The following RBFOX1 variants were observed in gnomAD, a reference collection of about 807,000 sequenced individuals.
The protein encoded by RBFOX1 is RNA binding protein fox-1 homolog 1.
Under a neutral mutation model 57.7 loss-of-function variants are expected in RBFOX1, and 8 were observed. The observed-to-expected ratio is 0.14, with a 90% confidence interval of 0.08 to 0.25. The LOEUF (loss-of-function observed/expected upper bound fraction) is 0.25. Among genes scored for constraint, RBFOX1 ranks in the 10% least tolerant of loss-of-function variants. RBFOX1 has a pLI of 1.00. For synonymous variants in RBFOX1, 326 were observed against 222.4 expected (o/e 1.47, Z -4.15); for missense variants, 611 against 548.5 (o/e 1.11, Z -1.14).
At chr16:7,191,707 T>C (rs2085434802) in intron 4 of RBFOX1, among the ~76,000 whole-genome samples, 1 of 152,232 alleles carries the variant, frequency 6.6e-6, no homozygotes, top group South Asian at 2.1e-4. Context: ...TCTTCAGTTG[T>C]TTTAAAGAAA....
intron 2 of RBFOX1, among the ~76,000 whole-genome samples, chr16:5,582,612 G>A (rs913076613): frequency 6.6e-5 from 9 of 136,572 alleles, no homozygotes; most frequent in East Asian, 4.3e-4. Flanking sequence ...TGCCAATGAC[G>A]TGATCTTGGT....
intron 4 of RBFOX1, among the ~76,000 whole-genome samples, chr16:7,436,477 A>G (rs1567159572): frequency 6.6e-6 from 1 of 152,224 alleles, no homozygotes; most frequent in Non-Finnish European, 1.5e-5. Context: ...AGGTGGAGAC[A>G]TGTGTCTTCA....
At chr16:6,486,422 C>G (rs1418049562) in intron 2 of RBFOX1, among the ~76,000 whole-genome samples, 4 of 152,010 alleles carry the variant, frequency 2.6e-5, no homozygotes, top group African/African-American at 7.2e-5. Flanking sequence ...GATATCTGAA[C>G]TAATAATAAA....
chr16:6,819,339 T>A (rs1214580059), intron 3 of RBFOX1, among the ~76,000 whole-genome samples: 2 of 152,140 alleles, frequency 1.3e-5, no homozygotes, highest in Non-Finnish European at 2.9e-5. Context: ...GATGAATAAA[T>A]AATATTGGTC....
At chr16:6,800,346 T>C (rs996179145) in intron 3 of RBFOX1, among the ~76,000 whole-genome samples, 1 of 152,142 alleles carries the variant, frequency 6.6e-6, no homozygotes, top group Non-Finnish European at 1.5e-5. Flanking sequence ...GGCTACCTAT[T>C]TTTGTTTTTC....
chr16:6,597,880 C>G (rs1268696701), intron 2 of RBFOX1, among the ~76,000 whole-genome samples: 1 of 152,068 alleles, frequency 6.6e-6, no homozygotes, highest in Non-Finnish European at 1.5e-5. Context: ...CATCTTGGCA[C>G]CATGAAGTGA....
chr16:7,523,213 C>T (rs1297824797), intron 5 of RBFOX1, among the ~76,000 whole-genome samples: 1 of 152,122 alleles, frequency 6.6e-6, no homozygotes, highest in East Asian at 1.9e-4. Context: ...ATGGATATGC[C>T]ACAGTTTATT....
At chr16:6,543,845 G>A (rs2096857772) in intron 2 of RBFOX1, among the ~76,000 whole-genome samples, 1 of 152,036 alleles carries the variant, frequency 6.6e-6, no homozygotes, top group Admixed American at 6.6e-5. Flanking sequence ...AGATACACCT[G>A]CATGAAAAAA....
intron 3 of RBFOX1, among the ~76,000 whole-genome samples, chr16:5,620,941 T>C (rs1288049061): frequency 1.3e-5 from 2 of 152,152 alleles, no homozygotes; most frequent in Admixed American, 1.3e-4. Flanking sequence ...CCCGGGTTCC[T>C]GCCATTCTCC....
At chr16:7,339,732 G>C (rs1196043556) in intron 4 of RBFOX1, among the ~76,000 whole-genome samples, 2 of 152,194 alleles carry the variant, frequency 1.3e-5, no homozygotes. Flanking sequence ...AAGCCACTGT[G>C]CCTGGCCAGA....
chr16:7,500,014 A>G (rs1223727149), intron 4 of RBFOX1, among the ~76,000 whole-genome samples: 6 of 152,186 alleles, frequency 3.9e-5, no homozygotes, highest in Non-Finnish European at 8.8e-5. Flanking sequence ...ACATCATGCA[A>G]AACCTCTTCT....
chr16:5,990,336 A>G (rs748101431), intron 4 of RBFOX1, among the ~76,000 whole-genome samples: 3 of 152,316 alleles, frequency 2.0e-5, no homozygotes, highest in Middle Eastern at 3.4e-3. Flanking sequence ...AATGGAAAGA[A>G]TCAGCTGGCC....
At chr16:6,586,000 C>T (rs2097608158) in intron 2 of RBFOX1, among the ~76,000 whole-genome samples, 1 of 152,082 alleles carries the variant, frequency 6.6e-6, no homozygotes, top group African/African-American at 2.4e-5. Flanking sequence ...ACATGTTGCC[C>T]AATAAGTGAA....
At chr16:5,866,653 G>A (rs996590236) in intron 3 of RBFOX1, among the ~76,000 whole-genome samples, 3 of 152,196 alleles carry the variant, frequency 2.0e-5, no homozygotes, top group Non-Finnish European at 4.4e-5. Context: ...GTGACTTTAT[G>A]TTGGGTTTAA....
At chr16:6,619,206 T>TC (rs1863454410) in intron 2 of RBFOX1, among the ~76,000 whole-genome samples, 1 of 151,992 alleles carries the variant, frequency 6.6e-6, no homozygotes, top group Admixed American at 6.5e-5. Context: ...CATGCCTCTG[T>TC]CCCCCCCTTA....
chr16:7,190,996 G>T (rs1260405413), intron 4 of RBFOX1, among the ~76,000 whole-genome samples: 3 of 151,960 alleles, frequency 2.0e-5, no homozygotes, highest in Admixed American at 2.0e-4. Flanking sequence ...GGAATGCGAA[G>T]TGTATGCCTG....
intron 1 of RBFOX1, among the ~76,000 whole-genome samples, chr16:6,110,604 G>GC (rs1480881884): frequency 6.6e-6 from 1 of 152,162 alleles, no homozygotes; most frequent in Non-Finnish European, 1.5e-5. Flanking sequence ...AAATCAATCT[G>GC]CCCTAACATT....
At chr16:7,200,377 C>T (rs958071199) in intron 4 of RBFOX1, among the ~76,000 whole-genome samples, 7 of 152,190 alleles carry the variant, frequency 4.6e-5, no homozygotes, top group African/African-American at 7.2e-5. Flanking sequence ...GCATGTGCAT[C>T]GTTAAGTATC....
chr16:7,267,304 G>A (rs1205204673), intron 4 of RBFOX1, among the ~76,000 whole-genome samples: 1 of 152,134 alleles, frequency 6.6e-6, no homozygotes, highest in Non-Finnish European at 1.5e-5. Context: ...GGAGGCCAAA[G>A]GGGGCGGATC....
Sources: gnomAD v4.1 joint callset for allele counts (sites outside exome capture counted in the v4.1 genomes callset) on GRCh38, gnomAD v4.1.1 for gene constraint, MANE v1.5 for transcripts, NCBI Gene and HGNC (gene_info 2026-07-23, HGNC 2026-07-21) for gene names.